The following DOK6 variants were observed in gnomAD, a reference collection of about 807,000 sequenced individuals.
DOK6 encodes docking protein 6.
A neutral mutation model predicts 44.0 loss-of-function variants in DOK6; 22 were observed. The ratio of observed to expected loss-of-function variants is 0.50; its 90% CI spans 0.36 to 0.71. The LOEUF (loss-of-function observed/expected upper bound fraction) is 0.71, where lower values mean the gene tolerates loss of function less well. DOK6 is among the 30% of genes least tolerant of loss of function. The pLI is 0.00. For synonymous variants in DOK6, 166 were observed against 145.5 expected, an observed-to-expected ratio of 1.14 and a Z score of -1.01; for missense variants, 340 against 416.4, an observed-to-expected ratio of 0.82 and a Z score of 1.60.
chr18:69,710,312 T>A (rs1407171731), intron 5 of DOK6, among the ~76,000 whole-genome samples: 3 of 152,228 alleles, frequency 2.0e-5, no homozygotes, highest in African/African-American at 4.8e-5. Context: ...TCTAAACATT[T>A]TTCTAATTTT....
At chr18:69,558,398 C>T (rs1982742313) in intron 1 of DOK6, among the ~76,000 whole-genome samples, 1 of 152,010 alleles carries the variant, frequency 6.6e-6, no homozygotes, top group South Asian at 2.1e-4. Flanking sequence ...TTTTATTTTA[C>T]TCCTATTAAA....
intron 5 of DOK6, among the ~76,000 whole-genome samples, chr18:69,729,153 A>G (rs543028214): frequency 6.6e-6 from 1 of 152,236 alleles, no homozygotes; most frequent in Non-Finnish European, 1.5e-5. Context: ...TAATATATAC[A>G]TGCACATATA....
intron 1 of DOK6, among the ~76,000 whole-genome samples, chr18:69,463,569 A>G (rs1333583346): frequency 6.6e-6 from 1 of 152,218 alleles, no homozygotes; most frequent in Non-Finnish European, 1.5e-5. Context: ...ATTTCTGAGT[A>G]AGATACTTGA....
chr18:69,511,555 C>T (rs982760691), intron 1 of DOK6, among the ~76,000 whole-genome samples: 1 of 152,152 alleles, frequency 6.6e-6, no homozygotes, highest in Non-Finnish European at 1.5e-5. Context: ...AGCACTTTGT[C>T]ATTTTCCCAA....
rs577484092 is a variant in DOK6 at position 69,816,365 on chromosome 18, T to A, written c.857-24879T>A. Among the ~76,000 whole-genome samples the A allele has an allele frequency of 1.1e-4, 16 of 152,312 alleles. No homozygotes were observed. The South Asian group carries it at 3.3e-3, about 32-fold the overall frequency. ...TTGTGCTATATGTTCCTCTTCGAAA[T>A]AATAGGAACTATGCATAATGACAGT... is the stretch of plus-strand genomic sequence containing the variant. On this transcript the variant is annotated intron_variant, in intron 7 of 7. Coordinates refer to ENST00000382713, the MANE Select transcript of DOK6 (RefSeq NM_152721.6).
intron 3 of DOK6, among the ~76,000 whole-genome samples, chr18:69,612,316 A>G (rs1281648307): frequency 9.2e-6 from 1 of 108,190 alleles, no homozygotes; most frequent in Non-Finnish European, 2.0e-5. Context: ...CTAATATGCT[A>G]AAAAGAAACT....
At chr18:69,652,913 A>T (rs1195038615) in intron 3 of DOK6, among the ~76,000 whole-genome samples, 1 of 152,244 alleles carries the variant, frequency 6.6e-6, no homozygotes, top group East Asian at 1.9e-4. Context: ...ACAAACGATT[A>T]TCTGACAGTC....
At chr18:69,731,895 G>T (rs1286566130) in intron 5 of DOK6, among the ~76,000 whole-genome samples, 1 of 152,160 alleles carries the variant, frequency 6.6e-6, no homozygotes, top group Admixed American at 6.5e-5. Context: ...AAAAATAGGT[G>T]TGAGTATAGA....
At chr18:69,807,567 A>T (rs1182465650) in intron 7 of DOK6, among the ~76,000 whole-genome samples, 1 of 151,974 alleles carries the variant, frequency 6.6e-6, no homozygotes, top group Non-Finnish European at 1.5e-5. Flanking sequence ...ATTTTTAAGG[A>T]CACATATAGA....
rs530363138 is a variant in DOK6, at chr18:69,538,327, AT to A, written c.67-26153del. ...TTAAAGCATGCTATTCATTGTTAAT[AT>A]TTTTTTCCAATAAGAATAATTTAAA... On this transcript the variant is annotated intron_variant, in intron 1 of 7. Coordinates refer to ENST00000382713, the MANE Select transcript of DOK6 (RefSeq NM_152721.6). 1.5e-4 allele frequency among the ~76,000 whole-genome samples: 23 copies of A among 152,126 alleles called. No homozygotes were observed. The South Asian group carries it at 4.8e-3, about 32-fold the overall frequency.
At chr18:69,662,929 G>A (rs1490936692) in intron 3 of DOK6, 1 of 152,212 alleles carries the variant, frequency 6.6e-6, no homozygotes, top group African/African-American at 2.4e-5. Context: ...TAGCTCCAAA[G>A]CCAATTAAGT....
chr18:69,762,149 GCATACATA>G (rs60739609), intron 7 of DOK6, among the ~76,000 whole-genome samples: 65 of 110,782 alleles, frequency 5.9e-4, no homozygotes, highest in African/African-American at 2.1e-3. Context: ...ATCTCTGCAT[GCATACATA>G]CATACATACA....
At chr18:69,752,471 C>G (rs1979215744) in intron 6 of DOK6, among the ~76,000 whole-genome samples, 1 of 151,982 alleles carries the variant, frequency 6.6e-6, no homozygotes, top group African/African-American at 2.4e-5. Context: ...TCCAAAAGAG[C>G]AGAAATAAGT....
chr18:69,480,213 AT>A (rs1161780033), intron 1 of DOK6, among the ~76,000 whole-genome samples: 2 of 150,820 alleles, frequency 1.3e-5, no homozygotes, highest in Admixed American at 1.3e-4. Context: ...GGACTCTATC[AT>A]TTTAAATATC....
intron 1 of DOK6, among the ~76,000 whole-genome samples, chr18:69,554,161 C>G (rs1227905084): frequency 6.6e-6 from 1 of 152,104 alleles, no homozygotes; most frequent in Non-Finnish European, 1.5e-5. Flanking sequence ...CAACTGGAGA[C>G]TAAAATGACT....
At chr18:69,717,219 T>A (rs559229915) in intron 5 of DOK6, among the ~76,000 whole-genome samples, 1 of 152,322 alleles carries the variant, frequency 6.6e-6, no homozygotes, top group Admixed American at 6.5e-5. Context: ...TAGATATATT[T>A]CTGGGTTTTA....
intron 7 of DOK6, among the ~76,000 whole-genome samples, chr18:69,797,833 G>A (rs1278320068): frequency 1.1e-4 from 16 of 152,022 alleles, no homozygotes; most frequent in Non-Finnish European, 1.5e-5. Context: ...AAGGCAGGCA[G>A]TAGTGCACTA....
Position 69,649,819 on chromosome 18 carries a change from T to C in DOK6, c.290-27915T>C, listed in dbSNP as rs141436851. 6.7e-4 allele frequency among the ~76,000 whole-genome samples: 102 copies of C among 152,256 alleles called. 1 individual carries two copies. The highest frequency in any genetic ancestry group is 2.3e-3 in the African/African-American group (94 of 41,560). ...TGTGCAAGACCTAAATAAAAACAAGTATATAAATCTTTATGAAATATAAGA... is the reference window on the plus strand; with the variant it reads ...TGTGCAAGACCTAAATAAAAACAAGCATATAAATCTTTATGAAATATAAGA... On this transcript the variant is annotated intron_variant, in intron 3 of 7. Transcript: ENST00000382713.
intron 1 of DOK6, among the ~76,000 whole-genome samples, chr18:69,447,497 C>A (rs554911943): frequency 6.6e-6 from 1 of 152,274 alleles, no homozygotes; most frequent in Admixed American, 6.5e-5. Flanking sequence ...GTGATGCCTC[C>A]AGCTTTGTTC....
Sources: allele counts gnomAD v4.1 joint callset (sites outside exome capture counted in the v4.1 genomes callset), GRCh38; gene constraint gnomAD v4.1.1; transcripts MANE v1.5; gene names NCBI Gene and HGNC (gene_info 2026-07-23, HGNC 2026-07-21).